The following TTC7A variants were observed in gnomAD, a reference collection of about 807,000 sequenced individuals.
TTC7A encodes tetratricopeptide repeat domain 7A, also known as tetratricopeptide repeat protein 7A.
In TTC7A, 110 loss-of-function variants were observed where a neutral mutation model predicts 103.7. The ratio of observed to expected loss-of-function variants is 1.06; its 90% CI spans 0.91 to 1.24. TTC7A has a LOEUF of 1.24. Ranked by LOEUF, TTC7A falls within the 50% of genes most tolerant of loss-of-function variation. The probability of loss-of-function intolerance (pLI) is 0.00; values close to 1 mark genes in which losing one functional copy is unlikely to be tolerated. For missense variants in TTC7A, 1,340 were observed against 1,116.3 expected (o/e 1.20, Z -2.86); for synonymous variants, 521 against 467.9 (o/e 1.11, Z -1.47).
intron 15 of TTC7A, among the ~76,000 whole-genome samples, chr2:47,031,427 G>T (rs1680530826): frequency 6.6e-6 from 1 of 152,138 alleles, no homozygotes; most frequent in Admixed American, 6.5e-5. Flanking sequence ...ACTACCGCTG[G>T]CCTGCGTGCC....
At chr2:47,057,641 C>T (rs1242690320) in intron 18 of TTC7A, among the ~76,000 whole-genome samples, 5 of 152,146 alleles carry the variant, frequency 3.3e-5, no homozygotes, top group Non-Finnish European at 7.4e-5. Context: ...GAGCTTCTGG[C>T]GATGGAGGAA....
chr2:46,993,634 C>A, intron 6 of TTC7A, 106 bp downstream of exon 6: 6 of 1,023,050 alleles, frequency 5.9e-6, no homozygotes, highest in African/African-American at 1.6e-5. Context: ...CAGTAGGTCT[C>A]CTGCCTGCTT....
intron 3 of TTC7A, 55 bp downstream of exon 3, chr2:46,957,062 C>G: frequency 1.2e-6 from 2 of 1,606,652 alleles, no homozygotes; most frequent in Non-Finnish European, 1.7e-6. Context: ...TCGTTGCACT[C>G]TGACTCCCAG....
chr2:46,928,190 C>G (rs954027849), intron 2 of TTC7A, among the ~76,000 whole-genome samples: 1 of 151,854 alleles, frequency 6.6e-6, no homozygotes, highest in Non-Finnish European at 1.5e-5. Flanking sequence ...TTGCACCCAG[C>G]CTTGTATTAG....
chr2:46,993,208 C>T (rs536610920), intron 5 of TTC7A, among the ~76,000 whole-genome samples: 73 of 152,314 alleles, frequency 4.8e-4, no homozygotes, highest in Non-Finnish European at 9.1e-4. Context: ...AAACCGGAAG[C>T]CCAAGTTGCT....
Position 46,958,453 on chromosome 2 carries a change from AG to A in TTC7A, c.517+1448del, listed in dbSNP as rs926822000. 4.6e-6 allele frequency: 6 copies of A among 1,293,762 alleles called. No homozygotes were observed. In the African/African-American group the frequency reaches 9.1e-5, roughly 20 times the overall value. 80.1% of individuals were successfully genotyped at this position (1,293,762 alleles called of 1,614,324 possible). ...CGGGACTTTCTCCTGAGCCTGGCTCAGGATGGATTGCCCCCTGTCTCCTGCT... is the reference window on the plus strand; with the variant it reads ...CGGGACTTTCTCCTGAGCCTGGCTCAGATGGATTGCCCCCTGTCTCCTGCT... On this transcript the variant is annotated intron_variant, in intron 3 of 19. Coordinates refer to ENST00000319190, the MANE Select transcript of TTC7A (RefSeq NM_020458.4).
intron 5 of TTC7A, among the ~76,000 whole-genome samples, chr2:46,990,906 A>AG (rs1675557598): frequency 6.6e-6 from 1 of 152,060 alleles, no homozygotes; most frequent in South Asian, 2.1e-4. Context: ...GCCCCACCCC[A>AG]GGGGTTGGTT....
intron 2 of TTC7A, among the ~76,000 whole-genome samples, chr2:46,917,529 A>G (rs1668874950): frequency 6.6e-6 from 1 of 152,244 alleles, no homozygotes; most frequent in African/African-American, 2.4e-5. Context: ...AGAGATACAA[A>G]TAAGACAAAT....
At chr2:46,972,294 A>T (rs1673437356) in intron 3 of TTC7A, among the ~76,000 whole-genome samples, 1 of 151,412 alleles carries the variant, frequency 6.6e-6, no homozygotes, top group Non-Finnish European at 1.5e-5. Context: ...TGTGTTTCTT[A>T]CAGATTGTTT....
At chr2:47,049,463 G>C (rs540230816) in intron 16 of TTC7A, among the ~76,000 whole-genome samples, 2 of 152,006 alleles carry the variant, frequency 1.3e-5, no homozygotes, top group African/African-American at 4.8e-5. Flanking sequence ...AGGGGCCTCC[G>C]CTGGCTCTTC....
At chr2:46,960,351 C>T (rs906461127) in intron 3 of TTC7A, among the ~76,000 whole-genome samples, 3 of 152,216 alleles carry the variant, frequency 2.0e-5, no homozygotes, top group African/African-American at 7.2e-5. Flanking sequence ...CTGTTTGATT[C>T]TTCATTTCCC....
At chr2:46,928,193 T>C (rs1454688085) in intron 2 of TTC7A, among the ~76,000 whole-genome samples, 1 of 152,028 alleles carries the variant, frequency 6.6e-6, no homozygotes, top group Non-Finnish European at 1.5e-5. Context: ...CACCCAGCCT[T>C]GTATTAGTTT....
intron 5 of TTC7A, among the ~76,000 whole-genome samples, chr2:46,988,455 C>T (rs1008337713): frequency 6.6e-6 from 1 of 152,228 alleles, no homozygotes; most frequent in Non-Finnish European, 1.5e-5. Flanking sequence ...TGACTGGTAA[C>T]CTTTCATACA....
chr2:46,949,705 G>A (rs1013421814), intron 1 of TTC7A, among the ~76,000 whole-genome samples: 1 of 152,160 alleles, frequency 6.6e-6, no homozygotes, highest in African/African-American at 2.4e-5. Context: ...TACTGTGGCT[G>A]CTAGGTTATC....
At chr2:47,035,195 A>G (rs1384908253) in intron 15 of TTC7A, 2 of 152,090 alleles carry the variant, frequency 1.3e-5, no homozygotes, top group African/African-American at 4.8e-5. Context: ...TGTTTATTTG[A>G]TTGTTCTTAT....
chr2:46,950,249 C>A, intron 1 of TTC7A, 114 bp from the exon 2 acceptor site: 1 of 1,048,546 alleles, frequency 9.5e-7, no homozygotes, highest in Non-Finnish European at 1.4e-6. Context: ...TTTCTCAGAC[C>A]TGAGCCATTC....
chr2:47,027,334 G>T (rs145780095), intron 14 of TTC7A, among the ~76,000 whole-genome samples: 4 of 152,328 alleles, frequency 2.6e-5, no homozygotes, highest in Admixed American at 6.5e-5. Context: ...ACAGCTTTGA[G>T]GCCAGGCCTG....
chr2:47,050,458 A>C (rs573600134), intron 17 of TTC7A: 3 of 167,772 alleles, frequency 1.8e-5, no homozygotes, highest in East Asian at 3.1e-4. Context: ...GGAAAAACTC[A>C]TCCTGAAACC....
intron 17 of TTC7A, 160 bp downstream of exon 17, chr2:47,050,206 T>C: frequency 6.2e-6 from 4 of 644,626 alleles, no homozygotes; most frequent in Non-Finnish European, 1.1e-5. Flanking sequence ...TGATCTTGGC[T>C]CTGGGTAGGG....
Sources: gnomAD v4.1 joint callset for allele counts (sites outside exome capture counted in the v4.1 genomes callset) on GRCh38, gnomAD v4.1.1 for gene constraint, MANE v1.5 for transcripts, NCBI Gene and HGNC (gene_info 2026-07-23, HGNC 2026-07-21) for gene names.